GPR19: variants seen among roughly 807,000 people sequenced by gnomAD.
The protein encoded by GPR19 is probable G protein-coupled receptor 19.
In GPR19, 14 loss-of-function variants were observed where a neutral mutation model predicts 28.5. The observed-to-expected ratio is 0.49, with a 90% CI of 0.32 to 0.77. The LOEUF is 0.77. Among genes scored for constraint, GPR19 ranks in the 30% least tolerant of loss-of-function variants. GPR19 has a pLI of 0.03. For synonymous variants in GPR19, 173 were observed against 184.1 expected, an observed-to-expected ratio of 0.94 and a Z score of 0.49; for missense variants, 409 against 504.1, an observed-to-expected ratio of 0.81 and a Z score of 1.81.
chr12:12,698,841 A>G (rs994027028), upstream of GPR19, among the ~76,000 whole-genome samples: 1 of 151,288 alleles, frequency 6.6e-6, no homozygotes, highest in Non-Finnish European at 1.5e-5. Flanking sequence ...CAAATTCCTG[A>G]CCTCGTGATC....
At chr12:12,698,291 C>T (rs1009279196), upstream of GPR19, among the ~76,000 whole-genome samples, 3 of 152,104 alleles carry the variant, frequency 2.0e-5, no homozygotes, top group East Asian at 3.8e-4. Flanking sequence ...TAGTCTGCCC[C>T]GTGACTCAGA....
the GPR19 span, among the ~76,000 whole-genome samples, chr12:12,714,320 CA>C: frequency 6.6e-6 from 1 of 152,118 alleles, no homozygotes; most frequent in Admixed American, 6.6e-5. Flanking sequence ...GGCAGCTGGG[CA>C]AGGAACCGTG....
intron 3 of GPR19, among the ~76,000 whole-genome samples, chr12:12,664,780 C>A (rs1945736960): frequency 6.6e-6 from 1 of 151,728 alleles, no homozygotes; most frequent in African/African-American, 2.4e-5. Context: ...ATTAGCCGGG[C>A]GTGGTGGCAG....
Position 12,661,650 on chromosome 12 carries a change from C to A in GPR19, c.799G>T (p.Val267Phe). 6.2e-7 allele frequency: 1 copy of A among 1,613,856 alleles called. No homozygotes were observed. The highest frequency in any genetic ancestry group is 8.5e-7 in the Non-Finnish European group (1 of 1,179,728). ...ATAGTTTTCACTTTTGTCCGAGGGA[C>A]AATGTTCATTGTCCTCCTCACCGTT... ...GRTVRRTMNI[V>F]PRTKVKTIKM... is the part of the protein sequence containing the mutation. Residue 267 changes from valine to phenylalanine, a missense_variant, in exon 4 of 4, where the codon GTC (valine) becomes TTC (phenylalanine). Transcript: ENST00000651487. The surrounding 1 kb of genome is among the most constrained non-coding windows in gnomAD (Gnocchi z 4.2).
At chr12:12,708,841 G>A in the GPR19 span, among the ~76,000 whole-genome samples, 2 of 152,308 alleles carry the variant, frequency 1.3e-5, no homozygotes, top group African/African-American at 4.8e-5. Flanking sequence ...GAGGTTAGGA[G>A]TTCAAGACCA....
chr12:12,694,020 C>A (rs1946223153), intron 2 of GPR19, among the ~76,000 whole-genome samples: 1 of 151,816 alleles, frequency 6.6e-6, no homozygotes, highest in Non-Finnish European at 1.5e-5. Context: ...ACTCTTAAAG[C>A]AGTGGCTCTC....
the GPR19 span, among the ~76,000 whole-genome samples, chr12:12,704,277 G>A: frequency 5.3e-5 from 8 of 152,192 alleles, no homozygotes; most frequent in South Asian, 2.1e-4. Context: ...TGAGATGGGC[G>A]GATCACTTGT....
upstream of GPR19, among the ~76,000 whole-genome samples, chr12:12,697,174 A>AAAAAAAAAAAAAAC: frequency 6.7e-6 from 1 of 150,148 alleles, no homozygotes; most frequent in Non-Finnish European, 1.5e-5. Context: ...AAAAAAAAAA[A>AAAAAAAAAAAAAAC]AAAGCAGCCA....
intron 3 of GPR19, among the ~76,000 whole-genome samples, chr12:12,668,227 CTA>C (rs544514491): frequency 5.9e-5 from 9 of 152,094 alleles, no homozygotes; most frequent in Non-Finnish European, 1.2e-4. Flanking sequence ...TAAAAAATGC[CTA>C]TAAAGATGCA....
At chr12:12,702,444 T>G in the GPR19 span, among the ~76,000 whole-genome samples, 2 of 152,126 alleles carry the variant, frequency 1.3e-5, no homozygotes, top group African/African-American at 4.8e-5. Context: ...AGGCTAAACA[T>G]GTTAGAGTAT....
chr12:12,681,339 G>A (rs1047548698), intron 3 of GPR19, among the ~76,000 whole-genome samples: 1 of 152,160 alleles, frequency 6.6e-6, no homozygotes, highest in Non-Finnish European at 1.5e-5. Context: ...CTTTCTCATA[G>A]TCTTTACCCA....
upstream of GPR19, chr12:12,696,339 CTTTTTT>C (rs578240364): frequency 2.3e-4 from 20 of 88,666 alleles, no homozygotes; most frequent in East Asian, 6.8e-4. Flanking sequence ...CCCACCCGCC[CTTTTTT>C]TTTTTTTTTT....
At position 12,661,659 on chromosome 12, in the gene GPR19, T is replaced by C; in HGVS notation, c.790A>G (p.Met264Val). 1.2e-6 allele frequency: 2 copies of C among 1,613,988 alleles called. No individual in the cohort carries two copies. Among genetic ancestry groups the C allele is most frequent in the Non-Finnish European group, 1.7e-6 (2 of 1,179,828 alleles). ...GTDGRTVRRT[M>V]NIVPRTKVKT... ...ACTTTTGTCCGAGGGACAATGTTCA[T>C]TGTCCTCCTCACCGTTCGGCCATCT... The change falls in exon 4 of 4, where the codon ATG becomes GTG. Residue 264 changes from methionine (M) to valine (V), a missense_variant. By Grantham distance (21) the Met-to-Val change is conservative. Coordinates refer to ENST00000651487, the MANE Select transcript of GPR19 (RefSeq NM_006143.3). This position sits in a 1 kb window ranked among gnomAD's most constrained non-coding sequence, Gnocchi z 4.2.
In GPR19 at chr12:12,670,364, T is replaced by C. The variant is rs1218428841; in HGVS notation, c.-22-7894A>G. On this transcript the variant is annotated intron_variant, in intron 3 of 3. Coordinates refer to ENST00000651487, the MANE Select transcript of GPR19 (RefSeq NM_006143.3). Reference sequence around the variant, plus strand: ...AAATCTCATGTTTTAAATCTCACAGTGTAGGCATACTGCAAAGTGGATATG... The same window carrying C: ...AAATCTCATGTTTTAAATCTCACAGCGTAGGCATACTGCAAAGTGGATATG... Among the ~76,000 whole-genome samples, 4 of 152,228 alleles carry C rather than the reference T, an allele frequency of 2.6e-5. No individual in the cohort carries two copies. In the East Asian group the frequency reaches 5.8e-4, roughly 22 times the overall value.
intron 3 of GPR19, among the ~76,000 whole-genome samples, chr12:12,671,693 C>A (rs945385833): frequency 1.3e-5 from 2 of 152,166 alleles, no homozygotes; most frequent in Non-Finnish European, 2.9e-5. Flanking sequence ...ATTCCTGGCT[C>A]AGAAATTCTG....
upstream of GPR19, among the ~76,000 whole-genome samples, chr12:12,697,169 A>AAAAAAAAAAAAC: frequency 6.7e-6 from 1 of 149,408 alleles, no homozygotes. Context: ...AAAAAAAAAA[A>AAAAAAAAAAAAC]AAAAAAAAGC....
chr12:12,671,722 A>T (rs904097978), intron 3 of GPR19, among the ~76,000 whole-genome samples: 1 of 152,188 alleles, frequency 6.6e-6, no homozygotes, highest in Non-Finnish European at 1.5e-5. Context: ...GATTTAAGGG[A>T]CTATTACTCT....
intron 2 of GPR19, chr12:12,684,990 C>T (rs1023815157): frequency 6.6e-6 from 1 of 152,168 alleles, no homozygotes; most frequent in Non-Finnish European, 1.5e-5. Context: ...GCGTTCAGCA[C>T]CACGGACAGC....
In GPR19 at chr12:12,662,025, G is replaced by A. The variant is rs755470745; in HGVS notation, c.424C>T (p.Arg142Ter). Residue 142 changes from arginine (R) to a stop codon, truncating the protein, a stop_gained, in exon 4 of 4, where the codon CGA becomes TGA. Coordinates refer to ENST00000651487, the MANE Select transcript of GPR19 (RefSeq NM_006143.3). LOFTEE classifies it high-confidence loss of function. ...TLGSATCKVV[R>*]YFQYLTPGVQ... is the part of the protein sequence containing the mutation. ...CCTGGAGTGAGATATTGAAAATATCGCACAACCTTGCACGTTGCACTACCC... is the reference window on the plus strand; with the variant it reads ...CCTGGAGTGAGATATTGAAAATATCACACAACCTTGCACGTTGCACTACCC... 5.6e-6 allele frequency: 9 copies of A among 1,614,038 alleles called. No individual in the cohort carries two copies. The highest frequency in any genetic ancestry group is 2.2e-5 in the East Asian group (1 of 44,892).
Sources: gnomAD v4.1 joint callset for allele counts (sites outside exome capture counted in the v4.1 genomes callset) on GRCh38, gnomAD v4.1.1 for gene constraint, Gnocchi (gnomAD v3.1) non-coding constraint, MANE v1.5 for transcripts, NCBI Gene and HGNC (gene_info 2026-07-23, HGNC 2026-07-21) for gene names.